ADGRL2: variants seen among roughly 807,000 people sequenced by gnomAD.
The protein encoded by ADGRL2 is adhesion G protein-coupled receptor L2.
Under a neutral mutation model 157.4 loss-of-function variants are expected in ADGRL2, and 44 were observed. The ratio of observed to expected loss-of-function variants is 0.28; its 90% CI spans 0.22 to 0.36. The LOEUF (loss-of-function observed/expected upper bound fraction) is 0.36, where lower values mean the gene tolerates loss of function less well. Among genes scored for constraint, ADGRL2 ranks in the 10% least tolerant of loss-of-function variants. The pLI is 1.00. For missense variants in ADGRL2, 1,510 were observed against 1,768.9 expected (o/e 0.85, Z 2.63); for synonymous variants, 585 against 624.7 (o/e 0.94, Z 0.95).
chr1:81,333,022 A>T (rs1256409720), intron 1 of ADGRL2, among the ~76,000 whole-genome samples: 1 of 152,232 alleles, frequency 6.6e-6, no homozygotes, highest in Non-Finnish European at 1.5e-5. Context: ...AATAAGCTGT[A>T]CCACCATCTG....
chr1:81,378,418 G>A (rs1379170317), intron 1 of ADGRL2, among the ~76,000 whole-genome samples: 1 of 151,798 alleles, frequency 6.6e-6, no homozygotes, highest in African/African-American at 2.4e-5. Flanking sequence ...ATAATTAGCT[G>A]GGCGTGGCTT....
At chr1:81,622,390 G>A (rs967500370) in intron 3 of ADGRL2, among the ~76,000 whole-genome samples, 1 of 152,048 alleles carries the variant, frequency 6.6e-6, no homozygotes. Context: ...AGACCATCCT[G>A]GCCAACGTGG....
At chr1:81,480,385 T>C (rs932783568) in intron 2 of ADGRL2, among the ~76,000 whole-genome samples, 1 of 152,176 alleles carries the variant, frequency 6.6e-6, no homozygotes, top group Non-Finnish European at 1.5e-5. Flanking sequence ...AGATGCCTAG[T>C]CTAGCATTAC....
chr1:81,563,216 G>A (rs1321705449), intron 2 of ADGRL2, among the ~76,000 whole-genome samples: 1 of 152,130 alleles, frequency 6.6e-6, no homozygotes. Context: ...ATTGTAACTT[G>A]GCTTCAATTT....
intron 3 of ADGRL2, among the ~76,000 whole-genome samples, chr1:81,660,804 T>C (rs1236153095): frequency 6.6e-6 from 1 of 152,226 alleles, no homozygotes; most frequent in African/African-American, 2.4e-5. Context: ...TGATCAAAAA[T>C]ATGTTTTGAG....
intron 1 of ADGRL2, among the ~76,000 whole-genome samples, chr1:81,405,849 T>C (rs1006462323): frequency 2.0e-5 from 3 of 152,160 alleles, no homozygotes; most frequent in Non-Finnish European, 2.9e-5. Flanking sequence ...ATAATGCCTA[T>C]ATATTCTTTA....
chr1:81,970,434 T>G lies in ADGRL2; in HGVS notation c.2854T>G (p.Ser952Ala). ...AGTTGAAGTTTTTGAAAGTGAATATTCAAGGAAAAAATATTACTATGTTGC... is the reference window on the plus strand; with the variant it reads ...AGTTGAAGTTTTTGAAAGTGAATATGCAAGGAAAAAATATTACTATGTTGC... Reference protein sequence around the residue: ...MLVEVFESEYSRKKYYYVAGY... With the variant: ...MLVEVFESEYARKKYYYVAGY... Residue 952 changes from serine (S) to alanine (A), a missense_variant, in exon 16 of 24, where the codon TCA (serine) becomes GCA (alanine). This residue lies in a region of ADGRL2 where 497 missense variants were observed against 627.2 expected (regional missense o/e 0.79). Transcript: ENST00000686636. 2.6e-6 allele frequency: 4 copies of G among 1,559,964 alleles called. No individual in the cohort carries two copies. Among genetic ancestry groups the G allele is most frequent in the Non-Finnish European group, 2.6e-6 (3 of 1,159,372 alleles).
intron 1 of ADGRL2, among the ~76,000 whole-genome samples, chr1:81,425,449 T>C (rs2077195394): frequency 6.6e-6 from 1 of 152,232 alleles, no homozygotes; most frequent in Non-Finnish European, 1.5e-5. Context: ...TAGGTACACT[T>C]GGGCTTATAC....
intron 10 of ADGRL2, chr1:81,955,628 C>T: frequency 3.1e-6 from 1 of 318,336 alleles, no homozygotes; most frequent in Non-Finnish European, 5.7e-6. Context: ...TAAATAGAAA[C>T]AATCCACCTT....
At chr1:81,571,361 T>TATAA (rs2080685863) in intron 2 of ADGRL2, among the ~76,000 whole-genome samples, 1 of 146,658 alleles carries the variant, frequency 6.8e-6, no homozygotes, top group African/African-American at 2.5e-5. Context: ...TATATATATA[T>TATAA]AATATATATT....
At chr1:81,557,482 G>GAAAGAAAGAGGA (rs370696204) in intron 2 of ADGRL2, 2 of 119,968 alleles carry the variant, frequency 1.7e-5, no homozygotes, top group African/African-American at 6.3e-5. Flanking sequence ...AAGAAAGAAA[G>GAAAGAAAGAGGA]AAGAAAGAAA....
At chr1:81,765,619 T>A (rs1288105351) in intron 2 of ADGRL2, among the ~76,000 whole-genome samples, 1 of 152,060 alleles carries the variant, frequency 6.6e-6, no homozygotes, top group Non-Finnish European at 1.5e-5. Flanking sequence ...AATATTTTAA[T>A]GTAGTTAATC....
chr1:81,429,019 T>C (rs149602249), intron 1 of ADGRL2, among the ~76,000 whole-genome samples: 1,596 of 152,312 alleles, frequency 0.01, 12 homozygotes, highest in Non-Finnish European at 0.015. Flanking sequence ...TAGTGCTTTT[T>C]CAGGAAGAAG....
chr1:81,943,345 G>C lies in ADGRL2; in HGVS notation c.786G>C (p.Trp262Cys). Reference sequence around the variant, plus strand: ...ACCATGATACCTCACCATACAGATGGGGAGGAAAGACTGATATCGACCTAG... The same window carrying C: ...ACCATGATACCTCACCATACAGATGCGGAGGAAAGACTGATATCGACCTAG... The part of the protein sequence containing the change: ...ANYHDTSPYR[W>C]GGKTDIDLAV... The change falls in exon 6 of 24, where the codon TGG (tryptophan) becomes TGC (cysteine). Residue 262 changes from tryptophan to cysteine, a missense_variant. Around this residue, in one of 4 missense-constraint regions of ADGRL2, gnomAD observed 361 missense variants for 498.4 expected, o/e 0.72. Transcript: ENST00000686636. This position sits in a 1 kb window ranked among gnomAD's most constrained non-coding sequence, Gnocchi z 5.6. 1 of 1,613,608 alleles carries C rather than the reference G, an allele frequency of 6.2e-7. No individual in the cohort carries two copies. The highest frequency in any genetic ancestry group is 1.7e-5 in the Admixed American group (1 of 59,940).
intron 2 of ADGRL2, among the ~76,000 whole-genome samples, chr1:81,844,034 A>G (rs1425215311): frequency 1.3e-5 from 2 of 152,174 alleles, no homozygotes; most frequent in African/African-American, 4.8e-5. Flanking sequence ...AGCAGACCTC[A>G]AAAACATTAT....
At chr1:81,398,806 C>A (rs1327205315) in intron 1 of ADGRL2, among the ~76,000 whole-genome samples, 1 of 152,120 alleles carries the variant, frequency 6.6e-6, no homozygotes, top group East Asian at 1.9e-4. Flanking sequence ...TGACTTGACA[C>A]TTTTTTCTTA....
At chr1:81,505,931 G>T (rs1190427697) in intron 2 of ADGRL2, 7 of 286,658 alleles carry the variant, frequency 2.4e-5, no homozygotes, top group Non-Finnish European at 4.8e-5. Context: ...CAAAAGATGG[G>T]CCCAAATACT....
intron 2 of ADGRL2, among the ~76,000 whole-genome samples, chr1:81,512,160 A>T (rs547259835): frequency 7.1e-4 from 108 of 151,524 alleles, no homozygotes; most frequent in South Asian, 5.0e-3. Context: ...CACATCAATT[A>T]AAAAAAAAGA....
intron 1 of ADGRL2, among the ~76,000 whole-genome samples, chr1:81,419,652 T>C (rs1338068262): frequency 6.6e-6 from 1 of 152,234 alleles, no homozygotes; most frequent in Non-Finnish European, 1.5e-5. Context: ...TATTTTCAAA[T>C]GATGCATAGA....
Sources: allele counts gnomAD v4.1 joint callset (sites outside exome capture counted in the v4.1 genomes callset), GRCh38; gene constraint gnomAD v4.1.1; regional missense constraint gnomAD v4.1.1; non-coding constraint Gnocchi (gnomAD v3.1); transcripts MANE v1.5; gene names NCBI Gene and HGNC (gene_info 2026-07-23, HGNC 2026-07-21).